Variants in UTRN observed in about 807,000 individuals in gnomAD.
UTRN encodes utrophin.
Under a neutral mutation model 463.9 loss-of-function variants are expected in UTRN, and 283 were observed. The ratio of observed to expected loss-of-function variants is 0.61; its 90% CI spans 0.55 to 0.67. UTRN has a LOEUF of 0.67. Ranked by LOEUF, UTRN falls within the 30% of genes least tolerant of loss-of-function variation. The pLI, the probability that UTRN is intolerant of heterozygous loss-of-function variation, is 0.00. For missense variants in UTRN, 3,922 were observed against 4,084.3 expected, an observed-to-expected ratio of 0.96 and a Z score of 1.08; for synonymous variants, 1,442 against 1,431.5, an observed-to-expected ratio of 1.01 and a Z score of -0.17.
At chr6:144,420,091 A>G (rs1167247500) in intron 3 of UTRN, among the ~76,000 whole-genome samples, 1 of 152,168 alleles carries the variant, frequency 6.6e-6, no homozygotes, top group African/African-American at 2.4e-5. Flanking sequence ...CCCCTCCTCC[A>G]TTTCAAACTC....
chr6:144,833,484 T>C (rs1406668277), intron 69 of UTRN, among the ~76,000 whole-genome samples: 2 of 152,222 alleles, frequency 1.3e-5, no homozygotes, highest in East Asian at 3.8e-4. Flanking sequence ...TGAATGTGCT[T>C]CTTTTGTTAT....
chr6:144,573,838 C>T (rs968709014), intron 50 of UTRN, among the ~76,000 whole-genome samples: 26 of 152,004 alleles, frequency 1.7e-4, no homozygotes, highest in African/African-American at 4.8e-4. Flanking sequence ...TGGAAAGATA[C>T]GAAAACTATA....
intron 43 of UTRN, among the ~76,000 whole-genome samples, chr6:144,536,318 C>CT (rs1376250769): frequency 6.6e-6 from 1 of 152,034 alleles, no homozygotes; most frequent in African/African-American, 2.4e-5. Flanking sequence ...AATTTCAACT[C>CT]TTTTTTAGAA....
intron 2 of UTRN, among the ~76,000 whole-genome samples, chr6:144,382,348 T>G (rs368933644): frequency 6.6e-6 from 1 of 152,320 alleles, no homozygotes; most frequent in African/African-American, 2.4e-5. Context: ...AATACAGCAG[T>G]TGGTATTCCC....
rs1340536493 is a variant in UTRN, at chr6:144,347,850, G to GT, written c.80-55262dup. Among the ~76,000 whole-genome samples the GT allele has an allele frequency of 3.2e-3, 417 of 128,502 alleles. 6 individuals carry two copies. In the South Asian group the frequency reaches 0.043, roughly 13 times the overall value. The allele number at this position is 128,502 out of a possible 152,430, so 84.3% of individuals were successfully genotyped here. A position where few individuals can be genotyped will look rare whatever the true frequency, so the allele number is the denominator to read the frequency against. ...GGCTTATTCTTTGTTTTTTTTTTTT[G>GT]TTTTTTTTTTTGAGACTAAGTCTCG... On this transcript the variant is annotated intron_variant, in intron 2 of 74. Coordinates refer to ENST00000367545, the MANE Select transcript of UTRN (RefSeq NM_007124.3).
chr6:144,522,934 A>G (rs1464932503), intron 40 of UTRN, 82 bp from the exon 41 acceptor site: 7 of 1,094,462 alleles, frequency 6.4e-6, no homozygotes, highest in African/African-American at 4.8e-5. Flanking sequence ...TGAGTGTTCT[A>G]CAATATAAAT....
At chr6:144,602,731 A>C (rs1336026338) in intron 51 of UTRN, among the ~76,000 whole-genome samples, 1 of 152,190 alleles carries the variant, frequency 6.6e-6, no homozygotes, top group Non-Finnish European at 1.5e-5. Flanking sequence ...AACACTGAAC[A>C]CTTTCAGTGC....
chr6:144,754,970 C>T (rs1295598480), intron 57 of UTRN, among the ~76,000 whole-genome samples, 172 bp downstream of exon 57: 3 of 151,980 alleles, frequency 2.0e-5, no homozygotes, highest in Non-Finnish European at 2.9e-5. Context: ...TTTGTAATAA[C>T]GTAATGACAA....
At chr6:144,512,682 A>T (rs1013024477) in intron 35 of UTRN, among the ~76,000 whole-genome samples, 1 of 151,932 alleles carries the variant, frequency 6.6e-6, no homozygotes, top group African/African-American at 2.4e-5. Context: ...CTGGGACTAC[A>T]GGCATGCGCC....
At chr6:144,794,126 T>A in intron 63 of UTRN, 135 bp downstream of exon 63, 1 of 1,257,848 alleles carries the variant, frequency 8.0e-7, no homozygotes, top group African/African-American at 1.5e-5. Context: ...AGTGGTGTAT[T>A]TTATTTCCTA....
chr6:144,748,033 T>A (rs1242199019), intron 54 of UTRN, among the ~76,000 whole-genome samples: 1 of 152,194 alleles, frequency 6.6e-6, no homozygotes, highest in East Asian at 1.9e-4. Context: ...GTAACTGTTT[T>A]ATTATCCTTT....
intron 61 of UTRN, among the ~76,000 whole-genome samples, chr6:144,785,174 C>T (rs1222600675): frequency 6.6e-6 from 1 of 152,196 alleles, no homozygotes; most frequent in Non-Finnish European, 1.5e-5. Context: ...ATCTGTGAAT[C>T]TGAGGAATGG....
At chr6:144,667,521 G>C (rs1780548346) in intron 51 of UTRN, among the ~76,000 whole-genome samples, 2 of 152,178 alleles carry the variant, frequency 1.3e-5, no homozygotes, top group South Asian at 4.1e-4. Flanking sequence ...TGGCAATAGA[G>C]AGCAAAGAGG....
chr6:144,598,686 G>A (rs939948170), intron 51 of UTRN, among the ~76,000 whole-genome samples: 1 of 152,168 alleles, frequency 6.6e-6, no homozygotes, highest in Non-Finnish European at 1.5e-5. Flanking sequence ...TATCTGTCAT[G>A]TTGATATCTT....
At chr6:144,516,458 A>G (rs1391510382) in intron 38 of UTRN, 71 bp downstream of exon 38, 1 of 1,489,294 alleles carries the variant, frequency 6.7e-7, no homozygotes, top group Non-Finnish European at 9.1e-7. Context: ...TTTTACATCA[A>G]GATGTTTGCC....
Position 144,582,708 on chromosome 6 carries a change from T to C in UTRN, c.7479+5420T>C, listed in dbSNP as rs1409297290. On this transcript the variant is annotated intron_variant, in intron 51 of 74. Coordinates refer to ENST00000367545, the MANE Select transcript of UTRN (RefSeq NM_007124.3). ...AAATCCTAACCTATTCCATTTCTAA[T>C]GGCTTTCCTTCTAGGCAGGCAGATG... is the stretch of plus-strand genomic sequence containing the variant. Among the ~76,000 whole-genome samples, 6 of 152,256 alleles carry C rather than the reference T, an allele frequency of 3.9e-5. No individual in the cohort carries two copies. In the East Asian group the frequency reaches 1.2e-3, roughly 29 times the overall value.
chr6:144,522,023 G>C lies in UTRN; in HGVS notation c.5585G>C (p.Gly1862Ala). Reference protein sequence around the residue: ...QQRKMGQLASGIRSSLLPTDY... With the variant: ...QQRKMGQLASAIRSSLLPTDY... Reference sequence around the variant, plus strand: ...AGGAAAATGGGTCAACTTGCTTCTGGAATTAGATCATCACTTCTTCCTACA... The same window carrying C: ...AGGAAAATGGGTCAACTTGCTTCTGCAATTAGATCATCACTTCTTCCTACA... The change falls in exon 40 of 75, where the codon GGA becomes GCA. Residue 1862 changes from glycine to alanine, a missense_variant. Gly to Ala is a moderately conservative substitution (Grantham distance 60, BLOSUM62 0). Coordinates refer to ENST00000367545, the MANE Select transcript of UTRN (RefSeq NM_007124.3). 2 of 1,580,864 alleles carry C rather than the reference G, an allele frequency of 1.3e-6. No homozygotes were observed. Among genetic ancestry groups the C allele is most frequent in the Non-Finnish European group, 1.7e-6 (2 of 1,166,462 alleles).
chr6:144,827,270 A>C, intron 66 of UTRN, 78 bp from the exon 67 acceptor site: 1 of 1,551,436 alleles, frequency 6.4e-7, no homozygotes, highest in East Asian at 2.3e-5. Flanking sequence ...GAATCTCCCC[A>C]CACCCCCACT....
chr6:144,718,901 G>A (rs1786794136), intron 53 of UTRN, among the ~76,000 whole-genome samples: 1 of 152,222 alleles, frequency 6.6e-6, no homozygotes, highest in Non-Finnish European at 1.5e-5. Context: ...GGTGGTGCAG[G>A]TGGCACTGGA....
Sources: gnomAD v4.1 joint callset for allele counts (sites outside exome capture counted in the v4.1 genomes callset) on GRCh38, gnomAD v4.1.1 for gene constraint, MANE v1.5 for transcripts, NCBI Gene and HGNC (gene_info 2026-07-23, HGNC 2026-07-21) for gene names.